The following AP1S3 variants were observed in gnomAD, a reference collection of about 807,000 sequenced individuals.
AP1S3 encodes the protein adaptor related protein complex 1 subunit sigma 3, also known as AP-1 complex subunit sigma-3.
AP1S3 carries 10 observed loss-of-function variants against 20.9 expected under a neutral mutation model. The observed-to-expected ratio is 0.48, with a 90% CI of 0.29 to 0.81. AP1S3 has a LOEUF of 0.81. AP1S3 is among the 30% of genes least tolerant of loss of function. The pLI is 0.08. For missense variants in AP1S3, 154 were observed against 183.8 expected (o/e 0.84, Z 0.94); for synonymous variants, 41 against 61.5 (o/e 0.67, Z 1.56).
At chr2:223,768,035 C>T (rs1165512290) in intron 3 of AP1S3, among the ~76,000 whole-genome samples, 1 of 152,126 alleles carries the variant, frequency 6.6e-6, no homozygotes, top group African/African-American at 2.4e-5. Context: ...CTGCTCAGGG[C>T]CATTGACCAC....
chr2:223,764,605 T>G (rs546161244), intron 4 of AP1S3, among the ~76,000 whole-genome samples: 58 of 152,210 alleles, frequency 3.8e-4, no homozygotes, highest in South Asian at 1.5e-3. Context: ...GTTCCCAATT[T>G]CTTTATGCAA....
rs1690443111 is a variant in AP1S3, at chr2:223,765,024, T to C, written c.429+189A>G. 3 of 711,608 alleles carry C rather than the reference T, an allele frequency of 4.2e-6. No homozygotes were observed. The African/African-American group carries it at 5.6e-5, about 13-fold the overall frequency. The allele number at this position is 711,608 out of a possible 1,614,324, so 44.1% of individuals were successfully genotyped here. On this transcript the variant is annotated intron_variant, in intron 4 of 4. Coordinates refer to ENST00000396654, the MANE Select transcript of AP1S3 (RefSeq NM_001039569.2). ...TGTCTCAGTTTACTCATCTGTAAAG[T>C]GGGAGTAACAATACCACCTACTTTT...
At chr2:223,822,110 C>T (rs903508567) in intron 1 of AP1S3, among the ~76,000 whole-genome samples, 3 of 152,182 alleles carry the variant, frequency 2.0e-5, no homozygotes, top group Admixed American at 6.5e-5. Flanking sequence ...CAACTCCTGG[C>T]CAGGCACAGT....
rs1274827063 is a variant in AP1S3 at position 223,758,503 on chromosome 2, C to T, written c.*212G>A. On this transcript the variant is annotated 3_prime_UTR_variant, in exon 5 of 5. Coordinates refer to ENST00000396654, the MANE Select transcript of AP1S3 (RefSeq NM_001039569.2). ...ACATTTAGAGCTACAAGTACCTATA[C>T]AGTATAACACAGACACATAATTTTT... 8.1e-7 allele frequency: 1 copy of T among 1,233,336 alleles called. No individual in the cohort carries two copies. Among genetic ancestry groups the T allele is most frequent in the Non-Finnish European group, 1.0e-6 (1 of 987,982 alleles). The allele number at this position is 1,233,336 out of a possible 1,614,324, so 76.4% of individuals were successfully genotyped here. A position where few individuals can be genotyped will look rare whatever the true frequency, so the allele number is the denominator to read the frequency against.
At chr2:223,788,776 A>AG (rs1691135762) in intron 1 of AP1S3, among the ~76,000 whole-genome samples, 1 of 146,006 alleles carries the variant, frequency 6.8e-6, no homozygotes, top group African/African-American at 2.7e-5. Flanking sequence ...AAAAAAAAAA[A>AG]AAAAAGAAGA....
intron 4 of AP1S3, 54 bp downstream of exon 4, chr2:223,765,159 C>CCATCCT: frequency 6.4e-7 from 1 of 1,560,230 alleles, no homozygotes; most frequent in Non-Finnish European, 8.7e-7. Context: ...ATTATTAACA[C>CCATCCT]CATCATCATC....
At chr2:223,789,674 C>CAAAAAAA (rs536845135) in intron 1 of AP1S3, among the ~76,000 whole-genome samples, 1 of 89,188 alleles carries the variant, frequency 1.1e-5, no homozygotes, top group African/African-American at 4.2e-5. Context: ...AACCCTGTCT[C>CAAAAAAA]AAAAAAAAAA....
intron 1 of AP1S3, among the ~76,000 whole-genome samples, chr2:223,826,098 A>G (rs1692121635): frequency 6.6e-6 from 1 of 152,196 alleles, no homozygotes; most frequent in South Asian, 2.1e-4. Context: ...TGACAGAGTA[A>G]TCAACTTTGA....
At chr2:223,826,593 A>G (rs13006077) in intron 1 of AP1S3, among the ~76,000 whole-genome samples, 24,501 of 130,566 alleles carry the variant, frequency 0.19, 2,507 homozygotes, top group East Asian at 0.41. Flanking sequence ...ACTCCGTCTC[A>G]GAAACAAAAC....
rs1690187100 is a variant in AP1S3, at chr2:223,755,448, T to A, written c.*3267A>T. ...ATATAAAGAAAACACAATGACTATT[T>A]TAGCCTAGGCCCATGGAAGATGTCC... is the stretch of plus-strand genomic sequence containing the variant. On this transcript the variant is annotated 3_prime_UTR_variant, in exon 5 of 5. Coordinates refer to ENST00000396654, the MANE Select transcript of AP1S3 (RefSeq NM_001039569.2). 6.6e-6 allele frequency among the ~76,000 whole-genome samples: 1 copy of A among 152,108 alleles called. No individual in the cohort carries two copies. Among genetic ancestry groups the A allele is most frequent in the African/African-American group, 2.4e-5 (1 of 41,430 alleles).
At chr2:223,810,032 A>G (rs989376605) in intron 1 of AP1S3, among the ~76,000 whole-genome samples, 1 of 151,776 alleles carries the variant, frequency 6.6e-6, no homozygotes, top group Non-Finnish European at 1.5e-5. Context: ...GGCCTATTTT[A>G]CTTTTTATGT....
Position 223,755,529 on chromosome 2 carries a change from ATT to A in AP1S3, c.*3184_*3185del, listed in dbSNP as rs66977512. 1.1e-3 allele frequency among the ~76,000 whole-genome samples: 125 copies of A among 118,186 alleles called. No individual in the cohort carries two copies. Among genetic ancestry groups the A allele is most frequent in the Middle Eastern group, 4.7e-3 (1 of 214 alleles). 77.5% of individuals were successfully genotyped at this position (118,186 alleles called of 152,430 possible). ...CATATAGATATGTTTACTTACTTTC[ATT>A]TTTTTTTTTTTTTTTTTGAGACAGG... On this transcript the variant is annotated 3_prime_UTR_variant, in exon 5 of 5. Coordinates refer to ENST00000396654, the MANE Select transcript of AP1S3 (RefSeq NM_001039569.2).
chr2:223,780,756 T>G (rs1457756591), intron 1 of AP1S3, among the ~76,000 whole-genome samples: 1 of 152,096 alleles, frequency 6.6e-6, no homozygotes, highest in African/African-American at 2.4e-5. Flanking sequence ...TTCATCTTTT[T>G]TTTTTTTCTG....
At chr2:223,780,309 A>ATAT in intron 1 of AP1S3, among the ~76,000 whole-genome samples, 1 of 59,968 alleles carries the variant, frequency 1.7e-5, no homozygotes, top group African/African-American at 7.9e-5. Flanking sequence ...ATATATATAT[A>ATAT]GAGAGAGAGA....
chr2:223,778,581 C>T (rs981885162), intron 1 of AP1S3, among the ~76,000 whole-genome samples: 4 of 151,796 alleles, frequency 2.6e-5, no homozygotes, highest in East Asian at 1.9e-4. Flanking sequence ...AATTATATTC[C>T]GGCACCAATA....
chr2:223,756,466 A>AAAAG lies in AP1S3; in HGVS notation c.*2245_*2248dup, dbSNP rs1043173721. ...AAGGAAGGAAAAGAAAGAAAGAAAG[A>AAAAG]AAAGAAAGAAAGAAAGAAAAAAAGA... On this transcript the variant is annotated 3_prime_UTR_variant, in exon 5 of 5. Transcript: ENST00000396654. 2.7e-5 allele frequency: 25 copies of AAAAG among 920,330 alleles called. No homozygotes were observed. The East Asian group carries it at 1.3e-3, about 49-fold the overall frequency. The allele number at this position is 920,330 out of a possible 1,614,324, so 57.0% of individuals were successfully genotyped here.
chr2:223,773,494 G>C (rs139316535), intron 3 of AP1S3: 9,343 of 883,000 alleles, frequency 0.011, 75 homozygotes, highest in Middle Eastern at 0.014. Context: ...GGTATACCAA[G>C]AGGAGAAAGA....
At chr2:223,829,007 T>C (rs984665489) in intron 1 of AP1S3, among the ~76,000 whole-genome samples, 3 of 151,952 alleles carry the variant, frequency 2.0e-5, no homozygotes, top group Non-Finnish European at 4.4e-5. Flanking sequence ...AGCTAGTTTT[T>C]GTATTTTTAG....
At chr2:223,798,103 T>C (rs1691386506) in intron 1 of AP1S3, among the ~76,000 whole-genome samples, 1 of 152,142 alleles carries the variant, frequency 6.6e-6, no homozygotes, top group Non-Finnish European at 1.5e-5. Flanking sequence ...AGGTTTTTTT[T>C]CCCCTCAAGA....
Sources: allele counts gnomAD v4.1 joint callset (sites outside exome capture counted in the v4.1 genomes callset), GRCh38; gene constraint gnomAD v4.1.1; transcripts MANE v1.5; gene names NCBI Gene and HGNC (gene_info 2026-07-23, HGNC 2026-07-21).